The following LYRM4 variants were observed in gnomAD, a reference collection of about 807,000 sequenced individuals.
LYRM4 encodes LYR motif containing 4.
LYRM4 carries 9 observed loss-of-function variants against 11.7 expected under a neutral mutation model. The observed-to-expected ratio is 0.77, with a 90% CI of 0.46 to 1.34. The LOEUF is 1.34. LYRM4 is among the 40% of genes most tolerant of loss of function. The pLI is 0.00. For missense variants in LYRM4, 133 were observed against 112.5 expected (o/e 1.18, Z -0.82); for synonymous variants, 42 against 40.4 (o/e 1.04, Z -0.15).
At chr6:5,140,619 T>G (rs754182771) in intron 2 of LYRM4, among the ~76,000 whole-genome samples, 41 of 152,112 alleles carry the variant, frequency 2.7e-4, no homozygotes, top group Non-Finnish European at 5.1e-4. Context: ...GAACCTGGAG[T>G]TGGGCTCGGG....
At chr6:5,257,231 C>T (rs903969418) in intron 1 of LYRM4, among the ~76,000 whole-genome samples, 1 of 152,164 alleles carries the variant, frequency 6.6e-6, no homozygotes, top group African/African-American at 2.4e-5. Context: ...CCTCTCCAAC[C>T]TCAGTGCCTT....
At chr6:5,181,608 G>C (rs1760079306) in intron 2 of LYRM4, among the ~76,000 whole-genome samples, 1 of 152,084 alleles carries the variant, frequency 6.6e-6, no homozygotes, top group East Asian at 1.9e-4. Context: ...CCTGCCTCCT[G>C]ACCACGCCCT....
chr6:5,146,603 C>T (rs1328259052), intron 2 of LYRM4, among the ~76,000 whole-genome samples: 1 of 152,130 alleles, frequency 6.6e-6, no homozygotes, highest in East Asian at 1.9e-4. Flanking sequence ...CGGGCCTCTT[C>T]CCAGCACAGC....
chr6:5,259,158 AGT>A (rs1764823703), intron 1 of LYRM4, among the ~76,000 whole-genome samples: 2 of 152,300 alleles, frequency 1.3e-5, no homozygotes, highest in South Asian at 4.2e-4. Context: ...CACTTTCCTT[AGT>A]GTGTGAACTG....
the LYRM4 span, among the ~76,000 whole-genome samples, chr6:5,044,740 T>C: frequency 6.6e-6 from 1 of 152,220 alleles, no homozygotes; most frequent in Non-Finnish European, 1.5e-5. Flanking sequence ...CGCTTCTGAT[T>C]TTCCAAGCTT....
intron 2 of LYRM4, among the ~76,000 whole-genome samples, chr6:5,114,189 C>T (rs1763018320): frequency 6.6e-6 from 1 of 152,222 alleles, no homozygotes; most frequent in Non-Finnish European, 1.5e-5. Context: ...AACTTGATAG[C>T]TGGAACACCA....
chr6:5,260,847 G>A lies in LYRM4; in HGVS notation c.-114C>T. The A allele has an allele frequency of 1.3e-6, 2 of 1,499,824 alleles. No individual in the cohort carries two copies. The highest frequency in any genetic ancestry group is 1.8e-6 in the Non-Finnish European group (2 of 1,130,504). 92.9% of individuals were successfully genotyped at this position (1,499,824 alleles called of 1,614,324 possible). On this transcript the variant is annotated 5_prime_UTR_variant, in exon 1 of 3. Coordinates refer to ENST00000330636, the MANE Select transcript of LYRM4 (RefSeq NM_020408.6). ...CGAACGAAATAAAATGCTGCGGCTC[G>A]GCTTTGCCAGCGGGCCGGGCCTAAG...
intron 2 of LYRM4, among the ~76,000 whole-genome samples, chr6:5,167,929 A>C (rs1192414609): frequency 6.6e-6 from 1 of 151,902 alleles, no homozygotes; most frequent in Non-Finnish European, 1.5e-5. Flanking sequence ...GGAAAAAAAA[A>C]CTGTTATAAA....
chr6:5,143,504 T>C (rs1757524775), intron 2 of LYRM4, among the ~76,000 whole-genome samples: 1 of 152,218 alleles, frequency 6.6e-6, no homozygotes, highest in African/African-American at 2.4e-5. Context: ...AACCGAGTAT[T>C]GTGTCCTTGG....
the LYRM4 span, among the ~76,000 whole-genome samples, chr6:5,048,200 A>G: frequency 6.6e-6 from 1 of 152,016 alleles, no homozygotes; most frequent in East Asian, 1.9e-4. Context: ...TTCTGTAGGA[A>G]CTTTTCCATG....
intron 2 of LYRM4, among the ~76,000 whole-genome samples, chr6:5,213,705 C>G (rs1046161086): frequency 6.6e-6 from 1 of 152,088 alleles, no homozygotes; most frequent in African/African-American, 2.4e-5. Flanking sequence ...AAAAGACACC[C>G]TGATTTTGGT....
At chr6:5,184,013 C>T (rs561385144) in intron 2 of LYRM4, among the ~76,000 whole-genome samples, 51 of 152,244 alleles carry the variant, frequency 3.3e-4, no homozygotes, top group African/African-American at 1.2e-3. Context: ...CATCATGTTG[C>T]ACACCATAAA....
intron 2 of LYRM4, among the ~76,000 whole-genome samples, chr6:5,204,783 T>A (rs1581501406): frequency 6.6e-6 from 1 of 152,230 alleles, no homozygotes; most frequent in African/African-American, 2.4e-5. Flanking sequence ...TAAACCTCTA[T>A]CGATTGAGAT....
intron 1 of LYRM4, among the ~76,000 whole-genome samples, chr6:5,255,088 TC>T (rs1764605764): frequency 6.6e-6 from 1 of 152,094 alleles, no homozygotes; most frequent in Admixed American, 6.5e-5. Context: ...ACAGCTACCT[TC>T]CCCAAACATA....
chr6:5,058,684 T>G, the LYRM4 span, among the ~76,000 whole-genome samples: 1 of 152,228 alleles, frequency 6.6e-6, no homozygotes, highest in Non-Finnish European at 1.5e-5. Context: ...ATGTTTTGCC[T>G]TCTGCCTTCT....
At chr6:5,071,007 T>C in the LYRM4 span, among the ~76,000 whole-genome samples, 3 of 151,154 alleles carry the variant, frequency 2.0e-5, no homozygotes, top group African/African-American at 7.3e-5. Flanking sequence ...CTGGCCAACA[T>C]GGTGAAACTG....
the LYRM4 span, among the ~76,000 whole-genome samples, chr6:5,084,158 G>A: frequency 5.1e-4 from 77 of 152,348 alleles, no homozygotes; most frequent in Non-Finnish European, 7.6e-4. Flanking sequence ...ATGTGACAAC[G>A]GGCCCCCGAG....
intron 1 of LYRM4, among the ~76,000 whole-genome samples, chr6:5,232,829 A>C (rs1300467888): frequency 6.6e-6 from 1 of 152,234 alleles, no homozygotes; most frequent in African/African-American, 2.4e-5. Context: ...ATTTGGCCTC[A>C]GTATTGTTTG....
chr6:5,144,126 CAGAATGCTCACCAGCTCTGTGAGGAAGA>C, intron 2 of LYRM4: 1 of 1,536,128 alleles, frequency 6.5e-7, no homozygotes, highest in Non-Finnish European at 8.7e-7. Context: ...ACCACATAGT[CAGAATGCTCACCAGCTCTGTGAGGAAGA>C]GCAAACGTCT....
Sources: gnomAD v4.1 joint callset for allele counts (sites outside exome capture counted in the v4.1 genomes callset) on GRCh38, gnomAD v4.1.1 for gene constraint, MANE v1.5 for transcripts, NCBI Gene and HGNC (gene_info 2026-07-23, HGNC 2026-07-21) for gene names.